RPS6KA4: variants seen among roughly 807,000 people sequenced by gnomAD.
RPS6KA4 encodes the protein ribosomal protein S6 kinase alpha-4.
In RPS6KA4, 38 loss-of-function variants were observed where a neutral mutation model predicts 89.6. That is an observed-to-expected ratio of 0.42 (90% CI 0.33 to 0.56). RPS6KA4 has a LOEUF of 0.56. Ranked by LOEUF, RPS6KA4 falls within the 20% of genes least tolerant of loss-of-function variation. RPS6KA4 has a pLI of 0.07. For synonymous variants in RPS6KA4, 495 were observed against 492.8 expected (o/e 1.00, Z -0.06); for missense variants, 873 against 1,098.8 (o/e 0.79, Z 2.90).
Position 64,369,897 on chromosome 11 carries a change from T to A in RPS6KA4, c.1797+4T>A. The A allele has an allele frequency of 1.3e-6, 2 of 1,532,426 alleles. No individual in the cohort carries two copies. Among genetic ancestry groups the A allele is most frequent in the Non-Finnish European group, 1.8e-6 (2 of 1,136,666 alleles). The allele number at this position is 1,532,426 out of a possible 1,614,324, so 94.9% of individuals were successfully genotyped here. A position where few individuals can be genotyped will look rare whatever the true frequency, so the allele number is the denominator to read the frequency against. ...CTGGAGCCTGGGCGTCATTCTGGTATGGGACGCGGTCCTTGAGGCGGGGTC... is the reference window on the plus strand; with the variant it reads ...CTGGAGCCTGGGCGTCATTCTGGTAAGGGACGCGGTCCTTGAGGCGGGGTC... On this transcript the variant is annotated splice_donor_region_variant and intron_variant, in intron 14 of 16. Transcript: ENST00000334205.
chr11:64,363,904 G>A (rs1591312958), intron 8 of RPS6KA4, among the ~76,000 whole-genome samples: 1 of 152,266 alleles, frequency 6.6e-6, no homozygotes, highest in African/African-American at 2.4e-5. Context: ...TCGACAAAAA[G>A]TCCAACTCAA....
Position 64,370,332 on chromosome 11 carries a change from T to A in RPS6KA4, c.1905T>A (p.Leu635=), listed in dbSNP as rs1413005175. 1.2e-6 allele frequency: 2 copies of A among 1,604,598 alleles called. No individual in the cohort carries two copies. Among genetic ancestry groups the A allele is most frequent in the Non-Finnish European group, 8.5e-7 (1 of 1,177,270 alleles). ...AAATCCGCGAGGGGCGCTTCTCCCT[T>A]GACGGGGAGGCCTGGCAGGGTGTAT... ...MCKIREGRFS[L]DGEAWQGVSE... is the part of the protein sequence containing the mutation. Residue 635 remains leucine (L), a synonymous_variant, in exon 15 of 17, where the codon CTT becomes CTA. Coordinates refer to ENST00000334205, the MANE Select transcript of RPS6KA4 (RefSeq NM_003942.3). The surrounding 1 kb of genome is among the most constrained non-coding windows in gnomAD (Gnocchi z 4.1).
At position 64,360,490 on chromosome 11, in the gene RPS6KA4, C is replaced by T. The variant is rs1202033744; in HGVS notation, c.360C>T (p.Gly120=). ...TGCACCTCCCAGACTATGTGAGCGGCGGGGAGATGTTCACCCACCTCTACC... is the reference window on the plus strand; with the variant it reads ...TGCACCTCCCAGACTATGTGAGCGGTGGGGAGATGTTCACCCACCTCTACC... ...KLHLILDYVS[G]GEMFTHLYQR... is the part of the protein sequence containing the mutation. The change falls in exon 4 of 17, where the codon GGC becomes GGT. Residue 120 remains glycine (G), a synonymous_variant. Transcript: ENST00000334205. 2 of 1,610,272 alleles carry T rather than the reference C, an allele frequency of 1.2e-6. No individual in the cohort carries two copies. Among genetic ancestry groups the T allele is most frequent in the South Asian group, 1.1e-5 (1 of 90,688 alleles).
intron 8 of RPS6KA4, among the ~76,000 whole-genome samples, chr11:64,364,066 C>T (rs1051603959): frequency 6.6e-6 from 1 of 151,990 alleles, no homozygotes; most frequent in Non-Finnish European, 1.5e-5. Context: ...TAAAAGAAGT[C>T]CAGATTAGCA....
Position 64,371,584 on chromosome 11 carries a change from T to A in RPS6KA4, c.*104T>A, listed in dbSNP as rs1167722830. The A allele has an allele frequency of 3.4e-6, 2 of 590,734 alleles. No individual in the cohort carries two copies. Among genetic ancestry groups the A allele is most frequent in the East Asian group, 5.7e-5 (2 of 35,252 alleles). 36.6% of individuals were successfully genotyped at this position (590,734 alleles called of 1,614,324 possible). On this transcript the variant is annotated 3_prime_UTR_variant, in exon 17 of 17. Coordinates refer to ENST00000334205, the MANE Select transcript of RPS6KA4 (RefSeq NM_003942.3). ...GGCTGACCTGATCCCCAAGGGACTG[T>A]CCTTTCCTCTCCTACCCCACCCCAC...
rs1214555915 is a variant in RPS6KA4 at position 64,370,109 on chromosome 11, CACGCG to C, written c.1798-115_1798-111del. 8.9e-5 allele frequency: 113 copies of C among 1,263,014 alleles called. No homozygotes were observed. The highest frequency in any genetic ancestry group is 1.1e-4 in the Non-Finnish European group (107 of 931,136). 78.2% of individuals were successfully genotyped at this position (1,263,014 alleles called of 1,614,324 possible). A position where few individuals can be genotyped will look rare whatever the true frequency, so the allele number is the denominator to read the frequency against. ...TTGGGGGTTAGAAGTCAGGGTTCAC[CACGCG>C]TGGGTCTCAGGAGTGCCCCTAGTGG... On this transcript the variant is annotated intron_variant, in intron 14 of 16. Transcript: ENST00000334205. This position sits in a 1 kb window ranked among gnomAD's most constrained non-coding sequence, Gnocchi z 4.1.
chr11:64,368,632 G>C lies in RPS6KA4; in HGVS notation c.1334+31G>C, dbSNP rs754724960. 9 of 1,583,220 alleles carry C rather than the reference G, an allele frequency of 5.7e-6. No homozygotes were observed. The East Asian group carries it at 2.1e-4, about 36-fold the overall frequency. On this transcript the variant is annotated intron_variant, in intron 11 of 16. Transcript: ENST00000334205. ...AGGGCCCAGGCGCGGGCAGGGGTGG[G>C]GGTGGCAGAGCGCTGTCCCGGGGGC...
chr11:64,368,873 C>G, intron 12 of RPS6KA4, 76 bp downstream of exon 12: 1 of 1,350,216 alleles, frequency 7.4e-7, no homozygotes. Context: ...TGGGCGGGAT[C>G]TAGGGGTGAA....
In RPS6KA4 at chr11:64,368,631, G is replaced by T. The variant is rs199916083; in HGVS notation, c.1334+30G>T. Reference sequence around the variant, plus strand: ...GAGGGCCCAGGCGCGGGCAGGGGTGGGGGTGGCAGAGCGCTGTCCCGGGGG... The same window carrying T: ...GAGGGCCCAGGCGCGGGCAGGGGTGTGGGTGGCAGAGCGCTGTCCCGGGGG... On this transcript the variant is annotated intron_variant, in intron 11 of 16. Coordinates refer to ENST00000334205, the MANE Select transcript of RPS6KA4 (RefSeq NM_003942.3). The T allele has an allele frequency of 1.5e-4, 244 of 1,584,730 alleles. 1 individual carries two copies. Among genetic ancestry groups the T allele is most frequent in the Non-Finnish European group, 1.0e-5 (12 of 1,167,838 alleles).
At chr11:64,369,406 G>C in intron 12 of RPS6KA4, 40 bp from the exon 13 acceptor site, 1 of 1,530,746 alleles carries the variant, frequency 6.5e-7, no homozygotes, top group Non-Finnish European at 8.8e-7. Context: ...GCTTGCCGCC[G>C]TGGGTGGGTG....
intron 2 of RPS6KA4, 41 bp from the exon 3 acceptor site, chr11:64,360,122 C>T: frequency 6.6e-7 from 1 of 1,508,410 alleles, no homozygotes; most frequent in South Asian, 1.3e-5. Flanking sequence ...CACCAATCTC[C>T]CGCTCACAGC....
At chr11:64,367,705 C>T (rs1324926948) in intron 9 of RPS6KA4, among the ~76,000 whole-genome samples, 1 of 152,196 alleles carries the variant, frequency 6.6e-6, no homozygotes, top group African/African-American at 2.4e-5. Flanking sequence ...CTTCTTTTTG[C>T]ATTTCTTCAG....
In RPS6KA4 at chr11:64,371,264, A is replaced by G; in HGVS notation, c.2122-19A>G. The G allele has an allele frequency of 6.2e-7, 1 of 1,611,370 alleles. No homozygotes were observed. Among genetic ancestry groups the G allele is most frequent in the South Asian group, 1.1e-5 (1 of 90,978 alleles). ...GGGTCAGGCGGGGGTGGGGGCACTC[A>G]CCCTTTCCTTTCTGCCAGGCATTCA... On this transcript the variant is annotated intron_variant, in intron 16 of 16. Transcript: ENST00000334205.
intron 9 of RPS6KA4, among the ~76,000 whole-genome samples, chr11:64,366,986 G>C (rs1462762726): frequency 6.6e-6 from 1 of 152,108 alleles, no homozygotes; most frequent in East Asian, 1.9e-4. Context: ...CAGCCCTCAT[G>C]ATAAAGTTCT....
At chr11:64,368,633 G>T (rs778377398) in intron 11 of RPS6KA4, 32 bp downstream of exon 11, 1 of 1,583,508 alleles carries the variant, frequency 6.3e-7, no homozygotes, top group Admixed American at 1.8e-5. Flanking sequence ...CAGGGGTGGG[G>T]GTGGCAGAGC....
At chr11:64,365,568 T>C (rs1056151110) in intron 9 of RPS6KA4, 103 bp downstream of exon 9, 50 of 1,326,402 alleles carry the variant, frequency 3.8e-5, no homozygotes, top group Non-Finnish European at 4.6e-5. Flanking sequence ...TGTGTCCTGA[T>C]TGGGACTCAG....
intron 9 of RPS6KA4, among the ~76,000 whole-genome samples, chr11:64,366,968 T>C (rs1019207156): frequency 1.3e-5 from 2 of 152,188 alleles, no homozygotes; most frequent in African/African-American, 2.4e-5. Flanking sequence ...TTCCATTCCA[T>C]TGTCTCACAG....
rs926742511 is a variant in RPS6KA4 at position 64,361,143 on chromosome 11, A to G, written c.472A>G (p.Ile158Val). The change falls in exon 5 of 17, where the codon ATT (isoleucine) becomes GTT (valine). Residue 158 changes from isoleucine to valine, a missense_variant. Ile to Val is a conservative substitution (Grantham distance 29). Coordinates refer to ENST00000334205, the MANE Select transcript of RPS6KA4 (RefSeq NM_003942.3). This position sits in a 1 kb window ranked among gnomAD's most constrained non-coding sequence, Gnocchi z 4.7. Reference protein sequence around the residue: ...ALEHLHKLGIIYRDLKLENVL... With the variant: ...ALEHLHKLGIVYRDLKLENVL... ...CTCTTGCTCCTACCAGCTCGGCATC[A>G]TTTACCGAGACCTGAAACTGGAGAA... The G allele has an allele frequency of 1.9e-6, 3 of 1,613,006 alleles. No individual in the cohort carries two copies. The East Asian group carries it at 6.7e-5, about 36-fold the overall frequency.
chr11:64,361,782 T>C lies in RPS6KA4; in HGVS notation c.755+37T>C. 1 of 1,586,678 alleles carries C rather than the reference T, an allele frequency of 6.3e-7. No homozygotes were observed. The highest frequency in any genetic ancestry group is 8.6e-7 in the Non-Finnish European group (1 of 1,168,852). ...TGGACGTGGAGGGCGGCCAGAGGGC[T>C]GCAGGGCCTGCCTGGGCAGGGCTGT... is the stretch of plus-strand genomic sequence containing the variant. On this transcript the variant is annotated intron_variant, in intron 7 of 16. Transcript: ENST00000334205. This position sits in a 1 kb window ranked among gnomAD's most constrained non-coding sequence, Gnocchi z 4.7.
Sources: allele counts gnomAD v4.1 joint callset (sites outside exome capture counted in the v4.1 genomes callset), GRCh38; gene constraint gnomAD v4.1.1; non-coding constraint Gnocchi (gnomAD v3.1); transcripts MANE v1.5; gene names NCBI Gene and HGNC (gene_info 2026-07-23, HGNC 2026-07-21).